Variants in STARD3 observed in about 807,000 individuals in gnomAD.
The protein encoded by STARD3 is stAR-related lipid transfer protein 3.
A neutral mutation model predicts 62.0 loss-of-function variants in STARD3; 39 were observed. The ratio of observed to expected loss-of-function variants is 0.63; its 90% CI spans 0.49 to 0.82. The LOEUF (loss-of-function observed/expected upper bound fraction) is 0.82, where lower values mean the gene tolerates loss of function less well. STARD3 is among the 40% of genes least tolerant of loss of function. The pLI is 0.00. For missense variants in STARD3, 543 were observed against 584.5 expected (o/e 0.93, Z 0.73); for synonymous variants, 229 against 242.4 (o/e 0.94, Z 0.51).
chr17:39,637,956 C>T (rs963417832), intron 1 of STARD3, among the ~76,000 whole-genome samples: 1 of 152,196 alleles, frequency 6.6e-6, no homozygotes, highest in African/African-American at 2.4e-5. Flanking sequence ...GCAGCCCTTC[C>T]CTGGAGCTCC....
rs778526778 is a variant in STARD3, at chr17:39,658,418, G to C, written c.443G>C (p.Gly148Ala). 1.9e-6 allele frequency: 3 copies of C among 1,614,138 alleles called. No homozygotes were observed. The highest frequency in any genetic ancestry group is 2.5e-6 in the Non-Finnish European group (3 of 1,179,996). The change falls in exon 6 of 15, where the codon GGG becomes GCG. Residue 148 changes from glycine (G) to alanine (A), a missense_variant. Physicochemically the swap from Gly to Ala is moderately conservative, Grantham distance 60. Transcript: ENST00000336308. ...KVILSELLSK[G>A]AFGYLLPIVS... ...CTCCCTTCACAGCTGCTCAGCAAAG[G>C]GGCATTTGGCTACCTGCTCCCCATC...
intron 2 of STARD3, among the ~76,000 whole-genome samples, chr17:39,656,117 G>C (rs912789970): frequency 6.6e-6 from 1 of 152,184 alleles, no homozygotes; most frequent in South Asian, 2.1e-4. Context: ...GGCACATGGT[G>C]GGGCTGTGTG....
chr17:39,656,089 G>T (rs1457184948), intron 2 of STARD3, among the ~76,000 whole-genome samples: 5 of 152,176 alleles, frequency 3.3e-5, no homozygotes, highest in Non-Finnish European at 7.4e-5. Context: ...CATGGAGCTG[G>T]GGTGGGCTTG....
intron 1 of STARD3, among the ~76,000 whole-genome samples, chr17:39,643,887 T>G (rs1004884482): frequency 6.6e-6 from 1 of 152,220 alleles, no homozygotes; most frequent in Admixed American, 6.5e-5. Flanking sequence ...CATATAAACC[T>G]GCAAGGAGTA....
chr17:39,656,483 C>T (rs1361584948), intron 2 of STARD3, among the ~76,000 whole-genome samples: 1 of 152,156 alleles, frequency 6.6e-6, no homozygotes, highest in African/African-American at 2.4e-5. Context: ...CACTCCGTCT[C>T]CACTTCACCC....
intron 8 of STARD3, 87 bp from the exon 9 acceptor site, chr17:39,659,374 G>A: frequency 7.5e-7 from 1 of 1,337,398 alleles, no homozygotes; most frequent in Non-Finnish European, 1.1e-6. Context: ...TGGGAAGCAT[G>A]TGGTATGTCT....
Position 39,658,401 on chromosome 17 carries a change from A to C in STARD3, c.430-4A>C. On this transcript the variant is annotated splice_region_variant and splice_polypyrimidine_tract_variant and intron_variant, in intron 5 of 14. Transcript: ENST00000336308. ...CCATGGAGCTCAGCCCCCTCCCTTC[A>C]CAGCTGCTCAGCAAAGGGGCATTTG... 1.2e-6 allele frequency: 2 copies of C among 1,612,990 alleles called. No homozygotes were observed. The highest frequency in any genetic ancestry group is 1.7e-6 in the Non-Finnish European group (2 of 1,179,052).
chr17:39,662,997 A>G lies in STARD3; in HGVS notation c.*89A>G, dbSNP rs2057218472. 3 of 1,277,896 alleles carry G rather than the reference A, an allele frequency of 2.3e-6. No individual in the cohort carries two copies. The highest frequency in any genetic ancestry group is 2.2e-5 in the Admixed American group (1 of 45,628). The allele number at this position is 1,277,896 out of a possible 1,614,324, so 79.2% of individuals were successfully genotyped here. On this transcript the variant is annotated 3_prime_UTR_variant, in exon 15 of 15. Coordinates refer to ENST00000336308, the MANE Select transcript of STARD3 (RefSeq NM_006804.4). ...TGCCAGTTGGGCTCGCACTGCCCACATGGGACCTGGCCCCAGGCTGTCACC... is the reference window on the plus strand; with the variant it reads ...TGCCAGTTGGGCTCGCACTGCCCACGTGGGACCTGGCCCCAGGCTGTCACC...
chr17:39,655,490 A>G (rs1157854948), intron 2 of STARD3, among the ~76,000 whole-genome samples: 1 of 151,958 alleles, frequency 6.6e-6, no homozygotes. Flanking sequence ...GGCCTCTGTA[A>G]TTGTGCTTTT....
intron 1 of STARD3, among the ~76,000 whole-genome samples, chr17:39,649,065 G>A (rs2057053164): frequency 6.6e-6 from 1 of 152,210 alleles, no homozygotes; most frequent in African/African-American, 2.4e-5. Flanking sequence ...GAGAAAGTGG[G>A]AGAGACTGAT....
At chr17:39,644,054 ACCCCTTGG>A (rs1205864883) in intron 1 of STARD3, among the ~76,000 whole-genome samples, 1 of 151,768 alleles carries the variant, frequency 6.6e-6, no homozygotes, top group Non-Finnish European at 1.5e-5. Context: ...TGAGTTAGGG[ACCCCTTGG>A]GAAGCCCCCA....
chr17:39,650,744 T>C (rs1364175487), intron 1 of STARD3, among the ~76,000 whole-genome samples: 5 of 152,094 alleles, frequency 3.3e-5, no homozygotes, highest in Non-Finnish European at 5.9e-5. Context: ...AGCTTAGAAG[T>C]TGAAGGCTGC....
chr17:39,662,724 C>T, intron 14 of STARD3, 80 bp from the exon 15 acceptor site: 2 of 1,347,954 alleles, frequency 1.5e-6, no homozygotes, highest in South Asian at 2.7e-5. Context: ...GGCCCAGAGC[C>T]CCCCTGCTGG....
chr17:39,661,966 A>G (rs2057203865), intron 13 of STARD3, among the ~76,000 whole-genome samples: 1 of 152,134 alleles, frequency 6.6e-6, no homozygotes, highest in Non-Finnish European at 1.5e-5. Context: ...GACAGAGTGT[A>G]TGAGGGCTGG....
chr17:39,646,759 T>C (rs1050024035), intron 1 of STARD3, among the ~76,000 whole-genome samples: 5 of 152,204 alleles, frequency 3.3e-5, no homozygotes, highest in East Asian at 3.8e-4. Context: ...GCTGGTACTA[T>C]TGTATCCTAG....
chr17:39,664,043 C>G lies in STARD3; in HGVS notation c.*1135C>G, dbSNP rs2057232267. The G allele has an allele frequency of 6.6e-6, 1 of 152,302 alleles. No individual in the cohort carries two copies. Among genetic ancestry groups the G allele is most frequent in the African/African-American group, 2.4e-5 (1 of 41,454 alleles). The allele number at this position is 152,302 out of a possible 1,614,324, so 9.4% of individuals were successfully genotyped here. A position where few individuals can be genotyped will look rare whatever the true frequency, so the allele number is the denominator to read the frequency against. ...TGCCTGCCTGCATGCAGGCTTCCAG[C>G]AGAGCCAGCTTCTTCAGAGCCAGGT... On this transcript the variant is annotated 3_prime_UTR_variant, in exon 15 of 15. Transcript: ENST00000336308.
Position 39,659,561 on chromosome 17 carries a change from G to A in STARD3, c.795+8G>A, listed in dbSNP as rs767647976. The A allele has an allele frequency of 6.8e-6, 11 of 1,613,792 alleles. No homozygotes were observed. The South Asian group carries it at 7.7e-5, about 11-fold the overall frequency. On this transcript the variant is annotated splice_region_variant and intron_variant, in intron 9 of 14. Transcript: ENST00000336308. ...AAGTTTGAGAAGAATAATGTAAGAA[G>A]CCCTCTCCCACCTGACCTTCCCATG...
At chr17:39,659,964 T>G in intron 9 of STARD3, 1 of 572,434 alleles carries the variant, frequency 1.7e-6, no homozygotes, top group Non-Finnish European at 3.1e-6. Flanking sequence ...CCTGGAGACA[T>G]GGTTTTTTGT....
In STARD3 at chr17:39,662,873, C is replaced by T. The variant is rs770979719; in HGVS notation, c.1303C>T (p.Arg435Ter). 4.3e-6 allele frequency: 7 copies of T among 1,612,544 alleles called. No homozygotes were observed. Among genetic ancestry groups the T allele is most frequent in the Admixed American group, 1.7e-5 (1 of 59,888 alleles). ...ATMFEFAFHL[R>*]QRISELGARA is the part of the protein sequence containing the mutation. ...CATGTTTGAATTTGCCTTTCACCTG[C>T]GACAGCGCATCAGCGAGCTGGGGGC... The change falls in exon 15 of 15, where the codon CGA (arginine) becomes TGA (stop). Residue 435 changes from arginine to a stop codon, truncating the protein, a stop_gained. Transcript: ENST00000336308. LOFTEE classifies it high-confidence loss of function.
Sources: gnomAD v4.1 joint callset for allele counts (sites outside exome capture counted in the v4.1 genomes callset) on GRCh38, gnomAD v4.1.1 for gene constraint, MANE v1.5 for transcripts, NCBI Gene and HGNC (gene_info 2026-07-23, HGNC 2026-07-21) for gene names.